Variants in SPATA16 observed in about 807,000 individuals in gnomAD.
SPATA16 encodes spermatogenesis associated 16, also known as spermatogenesis-associated protein 16.
SPATA16 carries 36 observed loss-of-function variants against 63.3 expected under a neutral mutation model. That is an observed-to-expected ratio of 0.57 (90% CI 0.44 to 0.75). The LOEUF (loss-of-function observed/expected upper bound fraction) is 0.75. Ranked by LOEUF, SPATA16 falls within the 30% of genes least tolerant of loss-of-function variation. The pLI, the probability that SPATA16 is intolerant of heterozygous loss-of-function variation, is 0.00. For synonymous variants in SPATA16, 203 were observed against 216.7 expected (o/e 0.94, Z 0.56); for missense variants, 646 against 679.3 (o/e 0.95, Z 0.54).
intron 3 of SPATA16, among the ~76,000 whole-genome samples, chr3:173,037,446 AT>A (rs1463338266): frequency 3.4e-4 from 52 of 152,198 alleles, no homozygotes; most frequent in African/African-American, 1.3e-3. Context: ...TCATCTGCTA[AT>A]TTCTCATTGT....
At chr3:173,069,028 T>G (rs1438947350) in intron 2 of SPATA16, among the ~76,000 whole-genome samples, 1 of 148,762 alleles carries the variant, frequency 6.7e-6, no homozygotes, top group East Asian at 2.0e-4. Context: ...GAGAATGGCG[T>G]GAACCCGGGA....
At position 173,027,974 on chromosome 3, in the gene SPATA16, T is replaced by C. The variant is rs75618965; in HGVS notation, c.759-8399A>G. 0.02 allele frequency among the ~76,000 whole-genome samples: 467 copies of C among 23,384 alleles called. 14 individuals are homozygous for C. In the East Asian group the frequency reaches 0.21, roughly 11 times the overall value. The allele number at this position is 23,384 out of a possible 152,430, so 15.3% of individuals were successfully genotyped here. Reference sequence around the variant, plus strand: ...GGGATTAGGGAACAAATTTATTTTTTCTCCCTCCCTCCCTCCCTCCCTCCC... The same window carrying C: ...GGGATTAGGGAACAAATTTATTTTTCCTCCCTCCCTCCCTCCCTCCCTCCC... On this transcript the variant is annotated intron_variant, in intron 3 of 10. Transcript: ENST00000351008.
chr3:173,019,036 A>C (rs1434139131), intron 4 of SPATA16, among the ~76,000 whole-genome samples: 1 of 152,156 alleles, frequency 6.6e-6, no homozygotes, highest in African/African-American at 2.4e-5. Context: ...CCAAGAAAAA[A>C]ATACTCTGGG....
chr3:173,019,719 C>G (rs533732674), intron 3 of SPATA16, 144 bp from the exon 4 acceptor site: 9 of 720,400 alleles, frequency 1.2e-5, no homozygotes, highest in Middle Eastern at 2.8e-4. Flanking sequence ...TTCCCCGCCC[C>G]CCGTAATTGG....
At chr3:173,093,290 A>T (rs1031989841) in intron 2 of SPATA16, among the ~76,000 whole-genome samples, 1 of 152,158 alleles carries the variant, frequency 6.6e-6, no homozygotes, top group African/African-American at 2.4e-5. Context: ...CTCTTATTTT[A>T]AAAAATGGTA....
intron 4 of SPATA16, among the ~76,000 whole-genome samples, chr3:172,986,454 A>G (rs1308961106): frequency 6.6e-6 from 1 of 152,174 alleles, no homozygotes; most frequent in African/African-American, 2.4e-5. Context: ...AAAGTGGATA[A>G]ATCAATATAT....
intron 4 of SPATA16, among the ~76,000 whole-genome samples, chr3:173,009,906 C>T (rs552865286): frequency 9.2e-5 from 14 of 152,320 alleles, no homozygotes; most frequent in African/African-American, 3.1e-4. Context: ...GGCTTAAATA[C>T]CCTTTAGACG....
intron 2 of SPATA16, among the ~76,000 whole-genome samples, chr3:173,059,819 T>C (rs917589221): frequency 2.1e-5 from 3 of 144,960 alleles, no homozygotes; most frequent in African/African-American, 7.6e-5. Flanking sequence ...AATGTCTCTA[T>C]CCCATTTGGT....
rs564583386 is a variant in SPATA16 at position 172,964,553 on chromosome 3, C to T, written c.934-7729G>A. ...AGTTCATAAGGACAACTGGGTATTA[C>T]TAATGAGCTTTAGCCTCTGTGTTCA... On this transcript the variant is annotated intron_variant, in intron 5 of 10. Coordinates refer to ENST00000351008, the MANE Select transcript of SPATA16 (RefSeq NM_031955.6). 1.2e-3 allele frequency among the ~76,000 whole-genome samples: 178 copies of T among 152,330 alleles called. 1 individual carries two copies. The highest frequency in any genetic ancestry group is 4.3e-3 in the African/African-American group (177 of 41,580).
chr3:173,133,605 T>C (rs1438478959), intron 1 of SPATA16, among the ~76,000 whole-genome samples: 1 of 152,124 alleles, frequency 6.6e-6, no homozygotes, highest in Non-Finnish European at 1.5e-5. Context: ...AAGGATGCTA[T>C]AGGGAACTAA....
At chr3:173,125,719 C>T (rs1460845200) in intron 1 of SPATA16, among the ~76,000 whole-genome samples, 1 of 152,188 alleles carries the variant, frequency 6.6e-6, no homozygotes, top group African/African-American at 2.4e-5. Flanking sequence ...TACGTCTCTC[C>T]ATGCCACTCA....
At chr3:172,975,395 C>A (rs1018435174) in intron 5 of SPATA16, among the ~76,000 whole-genome samples, 2 of 152,114 alleles carry the variant, frequency 1.3e-5, no homozygotes, top group Non-Finnish European at 2.9e-5. Context: ...GTCAAGCATT[C>A]GCTGGGGACC....
chr3:173,074,305 G>A (rs1441260575), intron 2 of SPATA16, among the ~76,000 whole-genome samples: 2 of 152,096 alleles, frequency 1.3e-5, no homozygotes, highest in Admixed American at 6.5e-5. Context: ...TTTGGGAGGG[G>A]CTAGGGGTGA....
intron 3 of SPATA16, among the ~76,000 whole-genome samples, chr3:173,031,204 G>A (rs1174168471): frequency 6.6e-6 from 1 of 150,904 alleles, no homozygotes; most frequent in Non-Finnish European, 1.5e-5. Context: ...CTTAACACTG[G>A]GTAAGATCGT....
rs555560718 is a variant in SPATA16 at position 172,919,973 on chromosome 3, G to A, written c.1339-3492C>T. Among the ~76,000 whole-genome samples the A allele has an allele frequency of 1.8e-4, 28 of 152,268 alleles. No individual in the cohort carries two copies. In the East Asian group the frequency reaches 5.0e-3, roughly 27 times the overall value. ...CTCCCAAAGTGCTGGGATTACAGGCGTGAACCACTGCGCCCAGCCTATATG... is the reference window on the plus strand; with the variant it reads ...CTCCCAAAGTGCTGGGATTACAGGCATGAACCACTGCGCCCAGCCTATATG... On this transcript the variant is annotated intron_variant, in intron 8 of 10. Transcript: ENST00000351008.
At chr3:173,032,270 C>A (rs983941395) in intron 3 of SPATA16, among the ~76,000 whole-genome samples, 1 of 151,998 alleles carries the variant, frequency 6.6e-6, no homozygotes, top group Non-Finnish European at 1.5e-5. Context: ...ACAACAAACA[C>A]CTATTTCTTG....
chr3:172,920,517 GAGTA>G (rs1560067163), intron 8 of SPATA16, among the ~76,000 whole-genome samples: 1 of 152,188 alleles, frequency 6.6e-6, no homozygotes, highest in Non-Finnish European at 1.5e-5. Flanking sequence ...CTTTGGTTGA[GAGTA>G]AGTTGCTATA....
chr3:172,948,081 A>G (rs1034263521), intron 6 of SPATA16, among the ~76,000 whole-genome samples: 1 of 152,170 alleles, frequency 6.6e-6, no homozygotes, highest in African/African-American at 2.4e-5. Flanking sequence ...CTTCAAAATG[A>G]TAACAGAACT....
chr3:172,904,780 T>G (rs1577083330), intron 10 of SPATA16, among the ~76,000 whole-genome samples: 1 of 152,370 alleles, frequency 6.6e-6, no homozygotes, highest in South Asian at 2.1e-4. Flanking sequence ...GACCAAGGCT[T>G]TCGGCTCTCT....
Sources: gnomAD v4.1 joint callset for allele counts (sites outside exome capture counted in the v4.1 genomes callset) on GRCh38, gnomAD v4.1.1 for gene constraint, MANE v1.5 for transcripts, NCBI Gene and HGNC (gene_info 2026-07-23, HGNC 2026-07-21) for gene names.